The following SLC4A4 variants were observed in gnomAD, a reference collection of about 807,000 sequenced individuals.
SLC4A4 encodes solute carrier family 4 member 4.
In SLC4A4, 27 loss-of-function variants were observed where a neutral mutation model predicts 111.5. The ratio of observed to expected loss-of-function variants is 0.24; its 90% CI spans 0.18 to 0.33. The LOEUF is 0.33. Among genes scored for constraint, SLC4A4 ranks in the 10% least tolerant of loss-of-function variants. The pLI, the probability that SLC4A4 is intolerant of heterozygous loss-of-function variation, is 1.00. For missense variants in SLC4A4, 909 were observed against 1,315.5 expected, an observed-to-expected ratio of 0.69 and a Z score of 4.78; for synonymous variants, 443 against 463.4, an observed-to-expected ratio of 0.96 and a Z score of 0.57.
chr4:71,121,323 G>A (rs115203351), intron 2 of SLC4A4, among the ~76,000 whole-genome samples: 1,924 of 152,296 alleles, frequency 0.013, 45 homozygotes, highest in African/African-American at 0.043. Flanking sequence ...GGGCTGAGGC[G>A]TGCAGGTGCA....
At chr4:71,209,034 A>G (rs910277240) in intron 1 of SLC4A4, among the ~76,000 whole-genome samples, 1 of 152,136 alleles carries the variant, frequency 6.6e-6, no homozygotes, top group South Asian at 2.1e-4. Flanking sequence ...TATGCTCTTT[A>G]TGCAATGCTG....
At chr4:71,164,334 T>A (rs1340890859) in intron 2 of SLC4A4, among the ~76,000 whole-genome samples, 1 of 149,338 alleles carries the variant, frequency 6.7e-6, no homozygotes, top group African/African-American at 2.5e-5. Context: ...GGAGCCGAGA[T>A]CGTGCACTGC....
chr4:71,314,736 G>A (rs1726531714), intron 3 of SLC4A4, among the ~76,000 whole-genome samples: 1 of 152,068 alleles, frequency 6.6e-6, no homozygotes, highest in Non-Finnish European at 1.5e-5. Context: ...ATGGATGCAG[G>A]GAGTGGAACA....
intron 7 of SLC4A4, among the ~76,000 whole-genome samples, chr4:71,429,958 AT>A (rs1442057940): frequency 6.6e-6 from 1 of 151,856 alleles, no homozygotes; most frequent in East Asian, 1.9e-4. Flanking sequence ...GTACTTTATT[AT>A]TGTTCACAGT....
chr4:71,404,236 T>C (rs1198370592), intron 7 of SLC4A4, among the ~76,000 whole-genome samples: 1 of 152,196 alleles, frequency 6.6e-6, no homozygotes, highest in Non-Finnish European at 1.5e-5. Context: ...AACTGGCTAA[T>C]GACACATGAT....
At chr4:71,502,011 G>A (rs1730981287) in intron 16 of SLC4A4, among the ~76,000 whole-genome samples, 1 of 152,136 alleles carries the variant, frequency 6.6e-6, no homozygotes, top group South Asian at 2.1e-4. Context: ...GCCCAGGCTA[G>A]AGAGCAGTGG....
chr4:71,269,425 C>T lies in SLC4A4; in HGVS notation c.253+14026C>T, dbSNP rs563061408. 1.1e-4 allele frequency among the ~76,000 whole-genome samples: 17 copies of T among 152,268 alleles called. 1 individual carries two copies. In the South Asian group the frequency reaches 1.9e-3, roughly 17 times the overall value. Reference sequence around the variant, plus strand: ...CTGAAGGGTGTGGGCAGATTCTGAACGGGCTTTTCCCGTTGCTCATCAGCT... The same window carrying T: ...CTGAAGGGTGTGGGCAGATTCTGAATGGGCTTTTCCCGTTGCTCATCAGCT... On this transcript the variant is annotated intron_variant, in intron 3 of 25. Transcript: ENST00000264485.
At chr4:71,308,361 G>A (rs1310159663) in intron 3 of SLC4A4, among the ~76,000 whole-genome samples, 1 of 152,140 alleles carries the variant, frequency 6.6e-6, no homozygotes, top group Admixed American at 6.5e-5. Flanking sequence ...TGGGATATAA[G>A]CCCATCCAGA....
chr4:71,445,639 A>G (rs1191531614), intron 8 of SLC4A4, among the ~76,000 whole-genome samples: 1 of 152,050 alleles, frequency 6.6e-6, no homozygotes, highest in Non-Finnish European at 1.5e-5. Flanking sequence ...GCCCCTTTTC[A>G]CCTAAACCCA....
intron 2 of SLC4A4, among the ~76,000 whole-genome samples, chr4:71,142,370 G>T (rs142823191): frequency 1.3e-5 from 2 of 152,166 alleles, no homozygotes; most frequent in African/African-American, 2.4e-5. Flanking sequence ...CTGTTTGGGC[G>T]TTGGCTAAAG....
intron 20 of SLC4A4, among the ~76,000 whole-genome samples, chr4:71,553,185 C>T: frequency 6.6e-6 from 1 of 151,818 alleles, no homozygotes; most frequent in East Asian, 1.9e-4. Flanking sequence ...TGTATTATTT[C>T]CTTTTCAACA....
chr4:71,432,089 G>A (rs1295330077), intron 7 of SLC4A4, among the ~76,000 whole-genome samples: 2 of 152,102 alleles, frequency 1.3e-5, no homozygotes, highest in East Asian at 3.9e-4. Flanking sequence ...AAGGAATTGG[G>A]CTGAGATAGT....
chr4:71,493,221 G>A lies in SLC4A4; in HGVS notation c.1975-4280G>A, dbSNP rs182052437. 1.4e-3 allele frequency among the ~76,000 whole-genome samples: 220 copies of A among 152,062 alleles called. 1 individual carries two copies. The highest frequency in any genetic ancestry group is 5.0e-3 in the African/African-American group (208 of 41,520). ...TTTAAATAAATATTGAATAATTTTA[G>A]TATAAATATGTCCTAAATGTTACAT... On this transcript the variant is annotated intron_variant, in intron 15 of 25. Coordinates refer to ENST00000264485, the MANE Select transcript of SLC4A4 (RefSeq NM_001098484.3).
At chr4:71,496,650 G>A (rs1214691889) in intron 15 of SLC4A4, among the ~76,000 whole-genome samples, 2 of 151,942 alleles carry the variant, frequency 1.3e-5, no homozygotes, top group Non-Finnish European at 2.9e-5. Context: ...CTGGGGGATG[G>A]GTGTGCTGGC....
intron 3 of SLC4A4, among the ~76,000 whole-genome samples, chr4:71,279,462 A>T (rs1402617510): frequency 6.6e-6 from 1 of 152,174 alleles, no homozygotes; most frequent in African/African-American, 2.4e-5. Context: ...TGGATATTAT[A>T]TATCTATGTA....
At chr4:71,158,097 CTGTGTGTGTGTGTGTGTGTGTG>C (rs139897656) in intron 2 of SLC4A4, among the ~76,000 whole-genome samples, 1 of 137,078 alleles carries the variant, frequency 7.3e-6, no homozygotes, top group Non-Finnish European at 1.6e-5. Flanking sequence ...ATCCTTGACT[CTGTGTGTGTGTGTGTGTGTGTG>C]TGTGTGTGTG....
intron 8 of SLC4A4, among the ~76,000 whole-genome samples, chr4:71,446,385 C>G (rs1725233409): frequency 6.6e-6 from 1 of 152,096 alleles, no homozygotes; most frequent in Admixed American, 6.6e-5. Context: ...GCTAAGCATC[C>G]AGAAGTGACC....
At chr4:71,111,481 C>T (rs1743083387) in intron 2 of SLC4A4, among the ~76,000 whole-genome samples, 1 of 150,254 alleles carries the variant, frequency 6.7e-6, no homozygotes, top group South Asian at 2.1e-4. Flanking sequence ...CCTGCCTCAG[C>T]CTCCTGAGTA....
At chr4:71,503,576 G>T (rs1731135918) in intron 16 of SLC4A4, among the ~76,000 whole-genome samples, 1 of 151,926 alleles carries the variant, frequency 6.6e-6, no homozygotes, top group Non-Finnish European at 1.5e-5. Context: ...AAATACTTTA[G>T]ACTTTTTTGC....
Sources: allele counts gnomAD v4.1 joint callset (sites outside exome capture counted in the v4.1 genomes callset), GRCh38; gene constraint gnomAD v4.1.1; transcripts MANE v1.5; gene names NCBI Gene and HGNC (gene_info 2026-07-23, HGNC 2026-07-21).